ANTXR1: variants seen among roughly 807,000 people sequenced by gnomAD.
The protein encoded by ANTXR1 is ANTXR cell adhesion molecule 1, also known as anthrax toxin receptor 1.
In ANTXR1, 19 loss-of-function variants were observed where a neutral mutation model predicts 78.1. The ratio of observed to expected loss-of-function variants is 0.24; its 90% CI spans 0.17 to 0.36. The LOEUF (loss-of-function observed/expected upper bound fraction) is 0.36, where lower values mean the gene tolerates loss of function less well. ANTXR1 is among the 10% of genes least tolerant of loss of function. The pLI, the probability that ANTXR1 is intolerant of heterozygous loss-of-function variation, is 1.00. For synonymous variants in ANTXR1, 273 were observed against 260.5 expected, an observed-to-expected ratio of 1.05 and a Z score of -0.46; for missense variants, 518 against 718.6, an observed-to-expected ratio of 0.72 and a Z score of 3.19.
Position 69,233,792 on chromosome 2 carries a change from GTAA to G in ANTXR1, c.1435-11426_1435-11424del, listed in dbSNP as rs1486595079. ...AATCAATGCAATAAAACAAGAAAATGTAATAATAAGTAAATATTAGAAATGGAA... is the reference window on the plus strand; with the variant it reads ...AATCAATGCAATAAAACAAGAAAATGTAATAAGTAAATATTAGAAATGGAA... On this transcript the variant is annotated intron_variant, in intron 17 of 17. Transcript: ENST00000303714. Among the ~76,000 whole-genome samples the G allele has an allele frequency of 4.0e-5, 6 of 151,838 alleles. No individual in the cohort carries two copies. The East Asian group carries it at 5.8e-4, about 15-fold the overall frequency.
chr2:69,147,549 G>A (rs974578317), intron 12 of ANTXR1, among the ~76,000 whole-genome samples: 2 of 152,202 alleles, frequency 1.3e-5, no homozygotes, highest in African/African-American at 4.8e-5. Flanking sequence ...CTGTCAGAGT[G>A]GAAGGAGCAA....
At position 69,096,273 on chromosome 2, in the gene ANTXR1, G is replaced by T. The variant is rs1464904404; in HGVS notation, c.703+5354G>T. ...ACTCCGTCAAAAGGAAGGAAGGAAG[G>T]AAGGAAGGAAGGAAGGGAGGAAGGG... On this transcript the variant is annotated intron_variant, in intron 9 of 17. Transcript: ENST00000303714. 2.2e-4 allele frequency among the ~76,000 whole-genome samples: 2 copies of T among 8,904 alleles called. 1 individual carries two copies. The highest frequency in any genetic ancestry group is 6.4e-3 in the South Asian group (2 of 312). 5.8% of individuals were successfully genotyped at this position (8,904 alleles called of 152,430 possible). A position where few individuals can be genotyped will look rare whatever the true frequency, so the allele number is the denominator to read the frequency against.
At chr2:69,133,569 TGTGTATGCTTTAAGTATATTA>T (rs1176864441) in intron 12 of ANTXR1, among the ~76,000 whole-genome samples, 9 of 152,234 alleles carry the variant, frequency 5.9e-5, no homozygotes, top group Admixed American at 5.2e-4. Context: ...TAATTTAGCA[TGTGTATGCTTTAAGTATATTA>T]GTAACAAAAT....
intron 14 of ANTXR1, 120 bp from the exon 15 acceptor site, chr2:69,181,666 C>G: frequency 1.0e-6 from 1 of 952,520 alleles, no homozygotes; most frequent in Non-Finnish European, 1.7e-6. Flanking sequence ...AACAGTAGCA[C>G]TGGGATTGCA....
At chr2:69,152,096 G>A in intron 12 of ANTXR1, 73 bp from the exon 13 acceptor site, 1 of 1,420,312 alleles carries the variant, frequency 7.0e-7, no homozygotes, top group Non-Finnish European at 9.9e-7. Flanking sequence ...GCATATCAGT[G>A]ATGGGAGTTT....
At chr2:69,121,439 T>A (rs901691808) in intron 10 of ANTXR1, among the ~76,000 whole-genome samples, 14 of 152,216 alleles carry the variant, frequency 9.2e-5, no homozygotes, top group African/African-American at 3.4e-4. Flanking sequence ...ATAACCTCCC[T>A]AACTTTTCAC....
At chr2:69,164,766 A>C (rs1673781712) in intron 13 of ANTXR1, among the ~76,000 whole-genome samples, 1 of 152,220 alleles carries the variant, frequency 6.6e-6, no homozygotes, top group African/African-American at 2.4e-5. Flanking sequence ...TGCAGAGCTG[A>C]AAATTTACTC....
At chr2:69,061,915 AG>A (rs1429495074) in intron 3 of ANTXR1, among the ~76,000 whole-genome samples, 1 of 152,230 alleles carries the variant, frequency 6.6e-6, no homozygotes, top group Admixed American at 6.5e-5. Flanking sequence ...AGATGTGAAA[AG>A]CCTTCATTTC....
At chr2:69,057,005 T>C (rs1670087777) in intron 3 of ANTXR1, among the ~76,000 whole-genome samples, 1 of 152,148 alleles carries the variant, frequency 6.6e-6, no homozygotes, top group African/African-American at 2.4e-5. Flanking sequence ...AATGGTCATA[T>C]TGTGTGTATT....
At chr2:69,159,148 T>A (rs917023267) in intron 13 of ANTXR1, among the ~76,000 whole-genome samples, 4 of 152,238 alleles carry the variant, frequency 2.6e-5, no homozygotes, top group Admixed American at 1.3e-4. Context: ...TTTATATGTA[T>A]CTAATATTAT....
At chr2:69,167,961 A>G (rs1213229194) in intron 13 of ANTXR1, among the ~76,000 whole-genome samples, 1 of 152,236 alleles carries the variant, frequency 6.6e-6, no homozygotes, top group Non-Finnish European at 1.5e-5. Context: ...TTAAATAGCA[A>G]CCGCATTGAT....
At chr2:69,078,311 G>A (rs1465116005) in intron 8 of ANTXR1, among the ~76,000 whole-genome samples, 1 of 152,208 alleles carries the variant, frequency 6.6e-6, no homozygotes, top group Non-Finnish European at 1.5e-5. Flanking sequence ...TAGGTTTTGT[G>A]ATCAGGCAGG....
chr2:69,073,210 C>T (rs1268080332), intron 6 of ANTXR1, 109 bp downstream of exon 6: 2 of 926,158 alleles, frequency 2.2e-6, no homozygotes, highest in East Asian at 2.5e-5. Flanking sequence ...TTGCAAATCC[C>T]CTGAATGAAA....
At chr2:69,134,981 T>C (rs754615148) in intron 12 of ANTXR1, 6 of 365,270 alleles carry the variant, frequency 1.6e-5, no homozygotes, top group Non-Finnish European at 3.4e-5. Context: ...TTACTATTAT[T>C]ATTATTTTAA....
intron 17 of ANTXR1, among the ~76,000 whole-genome samples, chr2:69,236,148 C>T (rs1675758095): frequency 6.6e-6 from 1 of 152,116 alleles, no homozygotes; most frequent in African/African-American, 2.4e-5. Context: ...GGACACAAAA[C>T]CTAACCCTAT....
chr2:69,066,798 A>G (rs1454239031), intron 3 of ANTXR1, among the ~76,000 whole-genome samples: 2 of 152,202 alleles, frequency 1.3e-5, no homozygotes, highest in African/African-American at 4.8e-5. Context: ...AAAGGAACAC[A>G]AAACAAATGG....
intron 6 of ANTXR1, among the ~76,000 whole-genome samples, chr2:69,073,757 T>C (rs914690886): frequency 2.6e-5 from 4 of 152,246 alleles, no homozygotes; most frequent in African/African-American, 9.6e-5. Context: ...GAAATTCTTT[T>C]CTTTCAAGTT....
At chr2:69,171,910 A>G (rs1673996703) in intron 14 of ANTXR1, among the ~76,000 whole-genome samples, 1 of 152,210 alleles carries the variant, frequency 6.6e-6, no homozygotes, top group Non-Finnish European at 1.5e-5. Flanking sequence ...AAGAAAGCTG[A>G]CTTCATTTCC....
At chr2:69,150,640 G>A (rs1416293235) in intron 12 of ANTXR1, among the ~76,000 whole-genome samples, 1 of 142,304 alleles carries the variant, frequency 7.0e-6, no homozygotes, top group Non-Finnish European at 1.5e-5. Flanking sequence ...CAGTCTTTAT[G>A]TCTCTCTCAC....
Sources: gnomAD v4.1 joint callset for allele counts (sites outside exome capture counted in the v4.1 genomes callset) on GRCh38, gnomAD v4.1.1 for gene constraint, MANE v1.5 for transcripts, NCBI Gene and HGNC (gene_info 2026-07-23, HGNC 2026-07-21) for gene names.